SH3D19: variants seen among roughly 807,000 people sequenced by gnomAD.
SH3D19 encodes SH3 domain containing 19.
Under a neutral mutation model 112.1 loss-of-function variants are expected in SH3D19, and 58 were observed. The observed-to-expected ratio is 0.52, with a 90% CI of 0.42 to 0.64. The LOEUF is 0.64. Ranked by LOEUF, SH3D19 falls within the 30% of genes least tolerant of loss-of-function variation. SH3D19 has a pLI of 0.00. For synonymous variants in SH3D19, 391 were observed against 448.5 expected (o/e 0.87, Z 1.62); for missense variants, 1,090 against 1,263.4 (o/e 0.86, Z 2.08).
At chr4:151,137,904 G>T in intron 13 of SH3D19, 42 bp from the exon 14 acceptor site, 1 of 1,533,582 alleles carries the variant, frequency 6.5e-7, no homozygotes, top group Non-Finnish European at 8.7e-7. Context: ...AATCATCCTG[G>T]TTGCAGATTT....
chr4:151,317,714 C>A (rs1730124372), intron 1 of SH3D19, among the ~76,000 whole-genome samples: 1 of 152,180 alleles, frequency 6.6e-6, no homozygotes, highest in African/African-American at 2.4e-5. Flanking sequence ...TGGCTCACAC[C>A]TATAATCCCA....
chr4:151,263,189 T>C (rs1282193436), intron 1 of SH3D19, among the ~76,000 whole-genome samples: 1 of 152,186 alleles, frequency 6.6e-6, no homozygotes, highest in East Asian at 1.9e-4. Context: ...TTAGTTCTTA[T>C]ATTCATTCTT....
At position 151,127,727 on chromosome 4, in the gene SH3D19, TA is replaced by T; in HGVS notation, c.2930-13del. On this transcript the variant is annotated splice_polypyrimidine_tract_variant and intron_variant, in intron 18 of 19. Coordinates refer to ENST00000604030, the MANE Select transcript of SH3D19 (RefSeq NM_001378122.1). ...ACTTTTTGCCTCAGCTGTGAAGACA[TA>T]AAAAATTTAAATATATAGAAACACA... is the stretch of plus-strand genomic sequence containing the variant. 6.6e-7 allele frequency: 1 copy of T among 1,515,186 alleles called. No homozygotes were observed. Among genetic ancestry groups the T allele is most frequent in the South Asian group, 1.2e-5 (1 of 80,104 alleles). 93.9% of individuals were successfully genotyped at this position (1,515,186 alleles called of 1,614,324 possible).
chr4:151,203,353 T>C (rs1764666770), intron 2 of SH3D19, among the ~76,000 whole-genome samples: 1 of 152,224 alleles, frequency 6.6e-6, no homozygotes, highest in Non-Finnish European at 1.5e-5. Context: ...GCACAGAACC[T>C]AACCAGAAAG....
At chr4:151,185,057 T>G (rs916659805) in intron 3 of SH3D19, among the ~76,000 whole-genome samples, 62 of 150,214 alleles carry the variant, frequency 4.1e-4, no homozygotes, top group African/African-American at 1.3e-3. Flanking sequence ...TTTTTTTTTT[T>G]TTTTTTTTTT....
At chr4:151,234,783 C>A (rs1196896357) in intron 1 of SH3D19, among the ~76,000 whole-genome samples, 9 of 126,386 alleles carry the variant, frequency 7.1e-5, no homozygotes, top group African/African-American at 2.5e-4. Context: ...GGGCTCACTC[C>A]GTCACTCAGG....
At chr4:151,202,088 CACTTTAGGAGGCCGAGGCA>C (rs1764479077) in intron 2 of SH3D19, among the ~76,000 whole-genome samples, 2 of 151,882 alleles carry the variant, frequency 1.3e-5, no homozygotes, top group South Asian at 4.2e-4. Context: ...GTAATCCCAG[CACTTTAGGAGGCCGAGGCA>C]GGTGGATCAC....
intron 1 of SH3D19, chr4:151,282,175 G>T (rs751343841): frequency 4.3e-6 from 7 of 1,613,794 alleles, no homozygotes; most frequent in Non-Finnish European, 5.1e-6. Context: ...CATATACTGT[G>T]TGGCTAGGAT....
chr4:151,184,187 C>T (rs1370402768), intron 3 of SH3D19, among the ~76,000 whole-genome samples: 2 of 152,072 alleles, frequency 1.3e-5, no homozygotes, highest in Non-Finnish European at 2.9e-5. Flanking sequence ...TGACTGGAAC[C>T]GGAATCATTA....
intron 1 of SH3D19, among the ~76,000 whole-genome samples, chr4:151,254,633 TG>T (rs1283862341): frequency 6.7e-6 from 1 of 149,586 alleles, no homozygotes; most frequent in African/African-American, 2.4e-5. Flanking sequence ...AGCACAGGGT[TG>T]GGGGTAAGGT....
Position 151,149,519 on chromosome 4 carries a change from G to A in SH3D19, c.1798C>T (p.Pro600Ser). ...PGQTGGFVRVPPRLPPRPVNG... is the reference protein window; with the variant it reads ...PGQTGGFVRVSPRLPPRPVNG... ...ACTTACCTCGGTGGCAACCTTGGGG[G>A]TACTCGCACAAAACCTCCTGTTTGA... The change falls in exon 10 of 20, where the codon CCC becomes TCC. Residue 600 changes from proline to serine, a missense_variant. Transcript: ENST00000604030. 6.2e-7 allele frequency: 1 copy of A among 1,610,694 alleles called. No individual in the cohort carries two copies. The highest frequency in any genetic ancestry group is 8.5e-7 in the Non-Finnish European group (1 of 1,178,296).
intron 7 of SH3D19, chr4:151,166,304 T>G (rs1758013583): frequency 6.6e-6 from 1 of 152,254 alleles, no homozygotes; most frequent in South Asian, 2.1e-4. Flanking sequence ...GACTCGGCAT[T>G]CCTCCATCTT....
At chr4:151,171,998 T>A (rs894291892) in intron 7 of SH3D19, among the ~76,000 whole-genome samples, 1 of 152,222 alleles carries the variant, frequency 6.6e-6, no homozygotes. Context: ...GCTTCAGTAT[T>A]TTCAGATCTC....
intron 1 of SH3D19, chr4:151,262,676 T>TTCTCTCTCTCTCTCTCTCTCTCTC (rs61642865): frequency 1.4e-5 from 2 of 145,046 alleles, no homozygotes; most frequent in African/African-American, 5.2e-5. Flanking sequence ...GCCAACATTC[T>TTCTCTCTCTCTCTCTCTCTCTCTC]TCTCTCTCTC....
chr4:151,210,421 T>G (rs1338654479), intron 2 of SH3D19, among the ~76,000 whole-genome samples: 1 of 145,152 alleles, frequency 6.9e-6, no homozygotes, highest in Non-Finnish European at 1.5e-5. Context: ...TTTTTTTTTT[T>G]GAGACAGAGT....
intron 9 of SH3D19, among the ~76,000 whole-genome samples, chr4:151,153,889 C>CT (rs969760944): frequency 3.9e-5 from 6 of 151,962 alleles, no homozygotes; most frequent in South Asian, 2.1e-4. Flanking sequence ...TTATAACTTC[C>CT]TTTTTTTTGT....
intron 2 of SH3D19, among the ~76,000 whole-genome samples, chr4:151,216,994 G>A (rs754109143): frequency 6.6e-6 from 1 of 150,570 alleles, no homozygotes; most frequent in Non-Finnish European, 1.5e-5. Flanking sequence ...AGAATTTCCC[G>A]CCCACAAAAC....
Position 151,148,067 on chromosome 4 carries a change from C to T in SH3D19, c.1937G>A (p.Arg646Gln), listed in dbSNP as rs186990819. The T allele has an allele frequency of 7.0e-5, 113 of 1,613,952 alleles. No homozygotes were observed. The East Asian group carries it at 1.3e-3, about 18-fold the overall frequency. The part of the protein sequence containing the change: ...RRSNKKLPFN[R>Q]SSSDMDLQKK... ...CTGAAGATCCATGTCAGAAGAGGATCGATTAAAAGGCAGTTTCTTATTAGA... is the reference window on the plus strand; with the variant it reads ...CTGAAGATCCATGTCAGAAGAGGATTGATTAAAAGGCAGTTTCTTATTAGA... The change falls in exon 11 of 20, where the codon CGA (arginine) becomes CAA (glutamine). Residue 646 changes from arginine (R) to glutamine (Q), a missense_variant. Transcript: ENST00000604030.
At chr4:151,214,486 G>T (rs1580199171) in intron 2 of SH3D19, among the ~76,000 whole-genome samples, 1 of 121,346 alleles carries the variant, frequency 8.2e-6, no homozygotes, top group Admixed American at 8.2e-5. Flanking sequence ...CCTCCCGGAC[G>T]GGGCGGCTGG....
Sources: allele counts gnomAD v4.1 joint callset (sites outside exome capture counted in the v4.1 genomes callset), GRCh38; gene constraint gnomAD v4.1.1; transcripts MANE v1.5; gene names NCBI Gene and HGNC (gene_info 2026-07-23, HGNC 2026-07-21).